NRG3: variants seen among roughly 807,000 people sequenced by gnomAD.
NRG3 encodes pro-neuregulin-3, membrane-bound isoform.
NRG3 carries 31 observed loss-of-function variants against 66.9 expected under a neutral mutation model. The ratio of observed to expected loss-of-function variants is 0.46; its 90% confidence interval spans 0.35 to 0.63. NRG3 has a LOEUF of 0.63. Ranked by LOEUF, NRG3 falls within the 20% of genes least tolerant of loss-of-function variation. The probability of loss-of-function intolerance (pLI) is 0.00; values close to 1 mark genes in which losing one functional copy is unlikely to be tolerated. For missense variants in NRG3, 910 were observed against 878.9 expected (o/e 1.04, Z -0.45); for synonymous variants, 393 against 359.4 (o/e 1.09, Z -1.06).
At chr10:82,915,663 A>C (rs1263806945) in intron 4 of NRG3, among the ~76,000 whole-genome samples, 1 of 152,156 alleles carries the variant, frequency 6.6e-6, no homozygotes, top group African/African-American at 2.4e-5. Flanking sequence ...AAATGTTCCT[A>C]GTGAGATTTT....
intron 1 of NRG3, among the ~76,000 whole-genome samples, chr10:81,938,645 G>A: frequency 6.6e-6 from 1 of 150,556 alleles, no homozygotes; most frequent in South Asian, 2.1e-4. Flanking sequence ...GTGTGTGCAT[G>A]CATGCATGCA....
At chr10:82,550,050 A>G (rs2044201372) in intron 2 of NRG3, among the ~76,000 whole-genome samples, 1 of 152,122 alleles carries the variant, frequency 6.6e-6, no homozygotes, top group Non-Finnish European at 1.5e-5. Context: ...TTCCCAAGAG[A>G]TGAACCAGAA....
At chr10:81,938,731 A>G (rs555448509) in intron 1 of NRG3, among the ~76,000 whole-genome samples, 1 of 151,144 alleles carries the variant, frequency 6.6e-6, no homozygotes, top group African/African-American at 2.4e-5. Flanking sequence ...CTTCCTTTTC[A>G]CCTGTTGGTG....
At chr10:82,832,420 T>C (rs2062571859) in intron 3 of NRG3, among the ~76,000 whole-genome samples, 1 of 152,160 alleles carries the variant, frequency 6.6e-6, no homozygotes, top group Admixed American at 6.6e-5. Flanking sequence ...CACTGTCCTC[T>C]AGGTGCCATC....
At chr10:82,762,577 G>A (rs1469629634) in intron 3 of NRG3, among the ~76,000 whole-genome samples, 1 of 152,132 alleles carries the variant, frequency 6.6e-6, no homozygotes, top group African/African-American at 2.4e-5. Context: ...GTGGAAATCA[G>A]TTCTTCCGTA....
chr10:82,729,340 A>T (rs1486088677), intron 2 of NRG3, among the ~76,000 whole-genome samples: 2 of 152,186 alleles, frequency 1.3e-5, no homozygotes, highest in African/African-American at 4.8e-5. Context: ...TCATAAGGGC[A>T]ATTATTATTT....
At chr10:82,766,977 A>T (rs2059537438) in intron 3 of NRG3, among the ~76,000 whole-genome samples, 1 of 149,988 alleles carries the variant, frequency 6.7e-6, no homozygotes, top group African/African-American at 2.4e-5. Flanking sequence ...TCACCTTAAT[A>T]TGTGGATATA....
At position 82,743,232 on chromosome 10, in the gene NRG3, C is replaced by A. The variant is rs998869150; in HGVS notation, c.1027+4582C>A. On this transcript the variant is annotated intron_variant, in intron 3 of 8. Coordinates refer to ENST00000372141, the MANE Select transcript of NRG3 (RefSeq NM_001010848.4). ...AGCTTAAACACTTGGAGTCGTCTAG[C>A]CCCTCCGTGGAAGGTAGGAGCATCA... Among the ~76,000 whole-genome samples, 3 of 152,166 alleles carry A rather than the reference C, an allele frequency of 2.0e-5. No homozygotes were observed. In the East Asian group the frequency reaches 5.8e-4, roughly 30 times the overall value.
intron 1 of NRG3, among the ~76,000 whole-genome samples, chr10:81,906,064 G>T (rs544009552): frequency 2.0e-5 from 3 of 152,192 alleles, no homozygotes; most frequent in African/African-American, 7.2e-5. Context: ...TTATTAAAAG[G>T]GTACCTTGTT....
At chr10:82,965,672 G>T (rs1851140692) in intron 6 of NRG3, among the ~76,000 whole-genome samples, 1 of 151,984 alleles carries the variant, frequency 6.6e-6, no homozygotes, top group African/African-American at 2.4e-5. Context: ...GGAGGCCGAG[G>T]TTGCAGTGAG....
At chr10:82,093,887 A>G (rs934229731) in intron 1 of NRG3, among the ~76,000 whole-genome samples, 9 of 152,200 alleles carry the variant, frequency 5.9e-5, no homozygotes, top group South Asian at 2.1e-4. Context: ...TGTCTTGTCA[A>G]CTGTCCTTGG....
chr10:82,264,143 G>T (rs559519482), intron 1 of NRG3, among the ~76,000 whole-genome samples: 1 of 152,254 alleles, frequency 6.6e-6, no homozygotes, highest in African/African-American at 2.4e-5. Context: ...GTTAAAAAAC[G>T]TAGAGCCTTT....
intron 1 of NRG3, among the ~76,000 whole-genome samples, chr10:82,078,404 G>A (rs1360894375): frequency 6.6e-6 from 1 of 152,224 alleles, no homozygotes; most frequent in African/African-American, 2.4e-5. Context: ...AGGCTGGAGT[G>A]CAGTGGCACG....
At chr10:82,680,104 T>G (rs2054005593) in intron 2 of NRG3, among the ~76,000 whole-genome samples, 1 of 152,166 alleles carries the variant, frequency 6.6e-6, no homozygotes, top group Non-Finnish European at 1.5e-5. Flanking sequence ...CAAACACTAT[T>G]CTAAGCCCTT....
At position 81,911,603 on chromosome 10, in the gene NRG3, G is replaced by GTTTTTTTT. The variant is rs796518872; in HGVS notation, c.823+35459_823+35466dup. The stretch of plus-strand genomic sequence containing the variant: ...TGTCTTCACCCTCTAGCACAGACTT[G>GTTTTTTTT]TTTTTTTTTTTTTTTTTTTTTTTTT... On this transcript the variant is annotated intron_variant, in intron 1 of 8. Coordinates refer to ENST00000372141, the MANE Select transcript of NRG3 (RefSeq NM_001010848.4). Among the ~76,000 whole-genome samples, 13 of 77,964 alleles carry GTTTTTTTT rather than the reference G, an allele frequency of 1.7e-4. 1 individual carries two copies. Among genetic ancestry groups the GTTTTTTTT allele is most frequent in the East Asian group, 4.4e-4 (1 of 2,270 alleles). 51.1% of individuals were successfully genotyped at this position (77,964 alleles called of 152,430 possible).
At chr10:81,878,476 A>G (rs1279236641) in intron 1 of NRG3, among the ~76,000 whole-genome samples, 1 of 152,206 alleles carries the variant, frequency 6.6e-6, no homozygotes, top group African/African-American at 2.4e-5. Context: ...AGGATAGTTT[A>G]GTTATTTTTT....
chr10:82,339,694 C>T (rs1311247796), intron 1 of NRG3, among the ~76,000 whole-genome samples: 1 of 152,072 alleles, frequency 6.6e-6, no homozygotes, highest in African/African-American at 2.4e-5. Flanking sequence ...GTTCAAATGT[C>T]TTAAGCTTCC....
chr10:82,934,532 C>G (rs1847881708), intron 4 of NRG3, among the ~76,000 whole-genome samples: 1 of 152,182 alleles, frequency 6.6e-6, no homozygotes, highest in South Asian at 2.1e-4. Flanking sequence ...GTTCTTATCT[C>G]TGGGTACTAA....
chr10:82,594,180 A>G (rs1266908194), intron 2 of NRG3, among the ~76,000 whole-genome samples: 1 of 152,182 alleles, frequency 6.6e-6, no homozygotes, highest in African/African-American at 2.4e-5. Context: ...CTGAGAATAC[A>G]AAGGAGATAT....
Sources: gnomAD v4.1 joint callset for allele counts (sites outside exome capture counted in the v4.1 genomes callset) on GRCh38, gnomAD v4.1.1 for gene constraint, MANE v1.5 for transcripts, NCBI Gene and HGNC (gene_info 2026-07-23, HGNC 2026-07-21) for gene names.